Variants in PKIB observed in about 807,000 individuals in gnomAD.
PKIB encodes the protein PKI-beta.
Under a neutral mutation model 4.5 loss-of-function variants are expected in PKIB, and 2 were observed. The observed-to-expected ratio is 0.44, with a 90% CI of 0.18 to 1.39. The LOEUF is 1.39. Ranked by LOEUF, PKIB falls within the 40% of genes most tolerant of loss-of-function variation. PKIB has a pLI of 0.27. For missense variants in PKIB, 94 were observed against 92.6 expected, an observed-to-expected ratio of 1.02 and a Z score of -0.06; for synonymous variants, 38 against 36.0, an observed-to-expected ratio of 1.06 and a Z score of -0.20.
At chr6:122,698,360 C>T (rs1244986464) in intron 3 of PKIB, among the ~76,000 whole-genome samples, 1 of 152,162 alleles carries the variant, frequency 6.6e-6, no homozygotes, top group Non-Finnish European at 1.5e-5. Context: ...AGCTTGACTC[C>T]ATCCTGTCGC....
At chr6:122,503,583 A>C (rs531683869) in intron 2 of PKIB, among the ~76,000 whole-genome samples, 2 of 152,106 alleles carry the variant, frequency 1.3e-5, no homozygotes, top group South Asian at 2.1e-4. Context: ...ATTTTCTTCC[A>C]TGACCACAAG....
intron 1 of PKIB, among the ~76,000 whole-genome samples, chr6:122,629,770 C>T (rs974457871): frequency 6.6e-6 from 1 of 152,092 alleles, no homozygotes; most frequent in Non-Finnish European, 1.5e-5. Context: ...AGAAAAACAC[C>T]AGGCAAATCC....
rs10456947 is a variant in PKIB at position 122,471,944 on chromosome 6, A to T, written c.-434A>T. 4.3e-6 allele frequency: 5 copies of T among 1,167,296 alleles called. No individual in the cohort carries two copies. The South Asian group carries it at 7.0e-5, about 16-fold the overall frequency. 72.3% of individuals were successfully genotyped at this position (1,167,296 alleles called of 1,614,324 possible). ...CTGCGCATGCGCGTCACTAGACGACACGGCTGTCTTCTTTCCTGGAGAATT... is the reference window on the plus strand; with the variant it reads ...CTGCGCATGCGCGTCACTAGACGACTCGGCTGTCTTCTTTCCTGGAGAATT... On this transcript the variant is annotated 5_prime_UTR_variant, in exon 1 of 7. Transcript: ENST00000392491.
chr6:122,624,045 G>T (rs546307897), intron 1 of PKIB, among the ~76,000 whole-genome samples: 1 of 152,198 alleles, frequency 6.6e-6, no homozygotes, highest in South Asian at 2.1e-4. Context: ...TACTTATAGG[G>T]AAGTCTAGAC....
intron 2 of PKIB, among the ~76,000 whole-genome samples, chr6:122,638,403 A>C (rs907451367): frequency 6.6e-6 from 1 of 152,190 alleles, no homozygotes; most frequent in African/African-American, 2.4e-5. Flanking sequence ...TAACCAGTGT[A>C]CCCGTGAACT....
In PKIB at chr6:122,618,028, ATGTATAGTATCCTATGAAACAGTTTT is replaced by A. The variant is rs1229418516; in HGVS notation, c.-161+7496_-161+7521del. Among the ~76,000 whole-genome samples the A allele has an allele frequency of 7.9e-5, 12 of 152,266 alleles. No individual in the cohort carries two copies. The East Asian group carries it at 2.3e-3, about 29-fold the overall frequency. On this transcript the variant is annotated intron_variant, in intron 1 of 4. Coordinates refer to ENST00000368452, the MANE Select transcript of PKIB (RefSeq NM_181795.3). ...AAAGAAAATAACATTTCTTAAAAGA[ATGTATAGTATCCTATGAAACAGTTTT>A]TGGTTAGATAAAATTTCAGATCATA...
At chr6:122,491,568 G>A (rs546381662) in intron 2 of PKIB, among the ~76,000 whole-genome samples, 3 of 152,282 alleles carry the variant, frequency 2.0e-5, no homozygotes, top group East Asian at 1.9e-4. Context: ...TAGAAGGGAC[G>A]TGTGGCCTTG....
At chr6:122,481,743 A>C (rs1775616267) in intron 2 of PKIB, 1 of 152,116 alleles carries the variant, frequency 6.6e-6, no homozygotes, top group Non-Finnish European at 1.5e-5. Context: ...TATTTGGTGA[A>C]TAGAGGTGAA....
At chr6:122,474,958 T>C (rs1160196651) in intron 1 of PKIB, among the ~76,000 whole-genome samples, 1 of 152,216 alleles carries the variant, frequency 6.6e-6, no homozygotes, top group Non-Finnish European at 1.5e-5. Context: ...CAGAATGATT[T>C]AGGTACAAAA....
At chr6:122,624,278 A>T (rs1442237798) in intron 1 of PKIB, among the ~76,000 whole-genome samples, 1 of 152,230 alleles carries the variant, frequency 6.6e-6, no homozygotes, top group Non-Finnish European at 1.5e-5. Context: ...CATTTAGGTA[A>T]CAAGTTTTGC....
exon 1 of PKIB, chr6:122,471,967 A>C: frequency 9.7e-7 from 1 of 1,035,220 alleles, no homozygotes; most frequent in Non-Finnish European, 1.3e-6. Flanking sequence ...TTCCTGGAGA[A>C]TTTCTCAAGG....
intron 2 of PKIB, among the ~76,000 whole-genome samples, chr6:122,569,423 T>G (rs1773291477): frequency 6.6e-6 from 1 of 152,212 alleles, no homozygotes; most frequent in South Asian, 2.1e-4. Flanking sequence ...AACGGCTGCA[T>G]GACCTCAGCT....
chr6:122,553,020 C>A (rs186253446), intron 2 of PKIB, among the ~76,000 whole-genome samples: 1 of 152,050 alleles, frequency 6.6e-6, no homozygotes, highest in African/African-American at 2.4e-5. Context: ...ATCCCTATCT[C>A]CTGTTATAGT....
At chr6:122,536,962 GA>G (rs1234167828) in intron 2 of PKIB, among the ~76,000 whole-genome samples, 1 of 147,098 alleles carries the variant, frequency 6.8e-6, no homozygotes, top group South Asian at 2.1e-4. Context: ...TTGCCTGCTA[GA>G]AAAAAAATCC....
At chr6:122,475,129 A>G (rs1313546094) in intron 1 of PKIB, among the ~76,000 whole-genome samples, 3 of 151,716 alleles carry the variant, frequency 2.0e-5, no homozygotes, top group African/African-American at 7.3e-5. Context: ...CACCTCCCAA[A>G]TTCCAGCGAT....
chr6:122,626,556 T>A (rs1168902657), intron 1 of PKIB, among the ~76,000 whole-genome samples: 1 of 152,172 alleles, frequency 6.6e-6, no homozygotes, highest in Non-Finnish European at 1.5e-5. Context: ...TCACAGAAGA[T>A]GCGGCATTTG....
chr6:122,494,082 T>C (rs1776012524), intron 2 of PKIB, among the ~76,000 whole-genome samples: 2 of 152,330 alleles, frequency 1.3e-5, no homozygotes, highest in East Asian at 3.9e-4. Context: ...AATCAATTAC[T>C]AAATCCCACT....
chr6:122,675,463 T>C (rs1158588470), intron 3 of PKIB, among the ~76,000 whole-genome samples: 2 of 152,216 alleles, frequency 1.3e-5, no homozygotes, highest in African/African-American at 4.8e-5. Context: ...GTCTACATAT[T>C]TTAGAGAGTT....
intron 2 of PKIB, among the ~76,000 whole-genome samples, chr6:122,522,605 A>G (rs1419226792): frequency 3.3e-5 from 5 of 152,128 alleles, no homozygotes; most frequent in Non-Finnish European, 2.9e-5. Flanking sequence ...ACAGTGGGAA[A>G]AGTGTAGTAT....
Sources: gnomAD v4.1 joint callset for allele counts (sites outside exome capture counted in the v4.1 genomes callset) on GRCh38, gnomAD v4.1.1 for gene constraint, MANE v1.5 for transcripts, NCBI Gene and HGNC (gene_info 2026-07-23, HGNC 2026-07-21) for gene names.